SFSWAP: variants seen among roughly 807,000 people sequenced by gnomAD.
The protein encoded by SFSWAP is splicing factor, suppressor of white-apricot homolog.
Under a neutral mutation model 100.7 loss-of-function variants are expected in SFSWAP, and 17 were observed. The observed-to-expected ratio is 0.17, with a 90% CI of 0.12 to 0.25. SFSWAP has a LOEUF of 0.25. Ranked by LOEUF, SFSWAP falls within the 10% of genes least tolerant of loss-of-function variation. The pLI, the probability that SFSWAP is intolerant of heterozygous loss-of-function variation, is 1.00. For synonymous variants in SFSWAP, 504 were observed against 510.1 expected, an observed-to-expected ratio of 0.99 and a Z score of 0.16; for missense variants, 1,005 against 1,262.6, an observed-to-expected ratio of 0.80 and a Z score of 3.09.
At chr12:131,797,031 G>A in intron 15 of SFSWAP, 147 bp from the exon 16 acceptor site, 2 of 669,590 alleles carry the variant, frequency 3.0e-6, no homozygotes, top group East Asian at 5.0e-5. Flanking sequence ...GTAGCTTTAA[G>A]AGAAGTTAAT....
Position 131,727,166 on chromosome 12 carries a change from A to G in SFSWAP, c.945+114A>G, listed in dbSNP as rs994949273. On this transcript the variant is annotated intron_variant, in intron 6 of 17. Transcript: ENST00000261674. ...GTGTGTTACAGTTGTATCTTATTTT[A>G]TCATCATTGAGGTGTATTTGCATTT... 5.4e-5 allele frequency: 37 copies of G among 685,276 alleles called. No homozygotes were observed. In the Admixed American group the frequency reaches 9.4e-4, roughly 17 times the overall value. 42.4% of individuals were successfully genotyped at this position (685,276 alleles called of 1,614,324 possible).
At chr12:131,786,611 A>C in intron 15 of SFSWAP, 23 bp downstream of exon 15, 1 of 1,579,524 alleles carries the variant, frequency 6.3e-7, no homozygotes, top group Non-Finnish European at 8.6e-7. Flanking sequence ...GTGTGCACGC[A>C]GGTGCTGGAT....
At position 131,725,305 on chromosome 12, in the gene SFSWAP, T is replaced by C; in HGVS notation, c.607-100T>C. On this transcript the variant is annotated intron_variant, in intron 4 of 17. Transcript: ENST00000261674. This position sits in a 1 kb window ranked among gnomAD's most constrained non-coding sequence, Gnocchi z 4.3. ...GCTTAAAGTCTCGTATCTCTTAAAATTGACAGTAAAACCAGAGTCATTTCT... is the reference window on the plus strand; with the variant it reads ...GCTTAAAGTCTCGTATCTCTTAAAACTGACAGTAAAACCAGAGTCATTTCT... 2 of 985,546 alleles carry C rather than the reference T, an allele frequency of 2.0e-6. No individual in the cohort carries two copies. The highest frequency in any genetic ancestry group is 1.9e-5 in the Admixed American group (1 of 52,538). 61.1% of individuals were successfully genotyped at this position (985,546 alleles called of 1,614,324 possible).
chr12:131,789,241 C>A (rs1265444305), intron 15 of SFSWAP, among the ~76,000 whole-genome samples: 3 of 152,182 alleles, frequency 2.0e-5, no homozygotes, highest in Non-Finnish European at 2.9e-5. Context: ...CTCAGCCTCC[C>A]AAAGTGCTGG....
At chr12:131,775,345 G>T (rs527690584) in intron 13 of SFSWAP, among the ~76,000 whole-genome samples, 76 of 152,338 alleles carry the variant, frequency 5.0e-4, no homozygotes, top group African/African-American at 1.7e-3. Flanking sequence ...GAAAGGACCT[G>T]CAGCAGCTCT....
At chr12:131,777,648 G>C (rs1469460009) in intron 13 of SFSWAP, among the ~76,000 whole-genome samples, 1 of 152,120 alleles carries the variant, frequency 6.6e-6, no homozygotes, top group Non-Finnish European at 1.5e-5. Flanking sequence ...CAATCCTTTG[G>C]GTATATACCC....
rs927153552 is a variant in SFSWAP at position 131,733,117 on chromosome 12, T to A, written c.1081+4689T>A. On this transcript the variant is annotated intron_variant, in intron 7 of 17. Transcript: ENST00000261674. This position sits in a 1 kb window ranked among gnomAD's most constrained non-coding sequence, Gnocchi z 5.1. Reference sequence around the variant, plus strand: ...CCGCGTTTCAGACCACTGCCAACCATGGACACCAGAGACAAGACAAAGGAC... The same window carrying A: ...CCGCGTTTCAGACCACTGCCAACCAAGGACACCAGAGACAAGACAAAGGAC... Among the ~76,000 whole-genome samples the A allele has an allele frequency of 7.9e-5, 12 of 152,142 alleles. No homozygotes were observed. The highest frequency in any genetic ancestry group is 2.9e-4 in the African/African-American group (12 of 41,434).
intron 13 of SFSWAP, among the ~76,000 whole-genome samples, chr12:131,776,202 C>A (rs922788982): frequency 1.3e-5 from 2 of 152,180 alleles, no homozygotes; most frequent in Non-Finnish European, 2.9e-5. Flanking sequence ...TAAGAACTGT[C>A]CCACAGTAAA....
intron 13 of SFSWAP, among the ~76,000 whole-genome samples, chr12:131,769,359 G>A (rs1213939679): frequency 6.6e-6 from 1 of 152,176 alleles, no homozygotes; most frequent in African/African-American, 2.4e-5. Context: ...GGGTTCTCAT[G>A]TTTTGATATC....
rs966920796 is a variant in SFSWAP, at chr12:131,798,444, TCCAC to T, written c.2718-591_2718-588del. ...GCCAAGGCCGTGGTTCTGGGAAGGC[TCCAC>T]CGTTCTGCTGAGTCTTTCCTTTCTT... On this transcript the variant is annotated intron_variant, in intron 16 of 17. Coordinates refer to ENST00000261674, the MANE Select transcript of SFSWAP (RefSeq NM_004592.4). 7.2e-5 allele frequency among the ~76,000 whole-genome samples: 11 copies of T among 152,296 alleles called. No individual in the cohort carries two copies. The East Asian group carries it at 2.1e-3, about 29-fold the overall frequency.
rs530441379 is a variant in SFSWAP, at chr12:131,737,885, A to G, written c.1081+9457A>G. On this transcript the variant is annotated intron_variant, in intron 7 of 17. Coordinates refer to ENST00000261674, the MANE Select transcript of SFSWAP (RefSeq NM_004592.4). Reference sequence around the variant, plus strand: ...TATAGATGTGTAAAACTAACAATTTATTTCATTTATTAATTTTCCTGACAA... The same window carrying G: ...TATAGATGTGTAAAACTAACAATTTGTTTCATTTATTAATTTTCCTGACAA... Among the ~76,000 whole-genome samples, 11 of 152,130 alleles carry G rather than the reference A, an allele frequency of 7.2e-5. No homozygotes were observed. In the South Asian group the frequency reaches 2.1e-3, roughly 29 times the overall value.
chr12:131,781,777 A>G (rs1884526146), intron 14 of SFSWAP, among the ~76,000 whole-genome samples: 1 of 152,240 alleles, frequency 6.6e-6, no homozygotes, highest in Non-Finnish European at 1.5e-5. Context: ...AGGAGGTAGT[A>G]TCTACATACT....
At chr12:131,774,072 C>CGAGAGACCGACAGGAT (rs771750767) in intron 13 of SFSWAP, among the ~76,000 whole-genome samples, 10 of 152,132 alleles carry the variant, frequency 6.6e-5, no homozygotes, top group Non-Finnish European at 1.5e-4. Context: ...TAAGTGAGCA[C>CGAGAGACCGACAGGAT]GAGAGACCGA....
At chr12:131,782,293 C>G (rs1458699778) in intron 14 of SFSWAP, among the ~76,000 whole-genome samples, 2 of 152,180 alleles carry the variant, frequency 1.3e-5, no homozygotes, top group Non-Finnish European at 2.9e-5. Context: ...CTCCTCCATC[C>G]AAGCTCTGCC....
At chr12:131,782,665 A>G (rs550438434) in intron 14 of SFSWAP, among the ~76,000 whole-genome samples, 1 of 152,356 alleles carries the variant, frequency 6.6e-6, no homozygotes, top group Admixed American at 6.5e-5. Flanking sequence ...TAAAATACAG[A>G]AAGTTAAGAT....
rs1224423632 is a variant in SFSWAP at position 131,786,513 on chromosome 12, G to A, written c.2459G>A (p.Arg820Lys). 1.9e-6 allele frequency: 3 copies of A among 1,586,870 alleles called. No individual in the cohort carries two copies. Among genetic ancestry groups the A allele is most frequent in the Non-Finnish European group, 2.6e-6 (3 of 1,167,688 alleles). Residue 820 changes from arginine to lysine, a missense_variant, in exon 15 of 18, where the codon AGG (arginine) becomes AAG (lysine). Arg to Lys is a conservative substitution (Grantham distance 26). Coordinates refer to ENST00000261674, the MANE Select transcript of SFSWAP (RefSeq NM_004592.4). ...AGAGCCCACTCCCCTGAGAGACGGA[G>A]GGAAGAGAGGAGTGTGCCCACTGCC... ...RRRAHSPERR[R>K]EERSVPTAYR...
Position 131,728,341 on chromosome 12 carries a change from A to C in SFSWAP, c.994A>C (p.Lys332Gln). The C allele has an allele frequency of 6.2e-7, 1 of 1,614,206 alleles. No homozygotes were observed. The highest frequency in any genetic ancestry group is 8.5e-7 in the Non-Finnish European group (1 of 1,180,034). The change falls in exon 7 of 18, where the codon AAG (lysine) becomes CAG (glutamine). Residue 332 changes from lysine to glutamine, a missense_variant. Around this residue, in one of 7 missense-constraint regions of SFSWAP, gnomAD observed 22 missense variants for 52.6 expected, o/e 0.42. Transcript: ENST00000261674. Reference protein sequence around the residue: ...PDHPLAALVRKAQADSSTPTP... With the variant: ...PDHPLAALVRQAQADSSTPTP... Reference sequence around the variant, plus strand: ...TCATCCCCTCGCAGCACTTGTTCGTAAGGCACAGGCTGACAGTTCCACTCC... The same window carrying C: ...TCATCCCCTCGCAGCACTTGTTCGTCAGGCACAGGCTGACAGTTCCACTCC...
intron 15 of SFSWAP, 69 bp from the exon 16 acceptor site, chr12:131,797,109 C>T: frequency 5.5e-6 from 8 of 1,449,294 alleles, no homozygotes; most frequent in East Asian, 4.6e-5. Context: ...GGCTCAGATC[C>T]GAGCTTCTCC....
At chr12:131,773,019 C>G (rs1883738443) in intron 13 of SFSWAP, among the ~76,000 whole-genome samples, 1 of 152,174 alleles carries the variant, frequency 6.6e-6, no homozygotes, top group Non-Finnish European at 1.5e-5. Flanking sequence ...CAGATGCTTT[C>G]TCTTCTGTGT....
Sources: allele counts gnomAD v4.1 joint callset (sites outside exome capture counted in the v4.1 genomes callset), GRCh38; gene constraint gnomAD v4.1.1; regional missense constraint gnomAD v4.1.1; non-coding constraint Gnocchi (gnomAD v3.1); transcripts MANE v1.5; gene names NCBI Gene and HGNC (gene_info 2026-07-23, HGNC 2026-07-21).